TNS3: variants seen among roughly 807,000 people sequenced by gnomAD.
TNS3 encodes tensin 3, also known as tensin-3.
TNS3 carries 45 observed loss-of-function variants against 140.9 expected under a neutral mutation model. That is an observed-to-expected ratio of 0.32 (90% CI 0.25 to 0.41). TNS3 has a LOEUF of 0.41. Ranked by LOEUF, TNS3 falls within the 10% of genes least tolerant of loss-of-function variation. The probability of loss-of-function intolerance (pLI) is 1.00; values close to 1 mark genes in which losing one functional copy is unlikely to be tolerated. For missense variants in TNS3, 1,716 were observed against 1,906.7 expected (o/e 0.90, Z 1.86); for synonymous variants, 815 against 788.4 (o/e 1.03, Z -0.56).
At chr7:47,307,218 C>T (rs1240222269) in intron 20 of TNS3, among the ~76,000 whole-genome samples, 1 of 152,196 alleles carries the variant, frequency 6.6e-6, no homozygotes, top group Non-Finnish European at 1.5e-5. Flanking sequence ...CTTTAGTGTG[C>T]ATTTCCTAAA....
At chr7:47,572,441 T>A (rs1800578800) in intron 1 of TNS3, among the ~76,000 whole-genome samples, 1 of 152,206 alleles carries the variant, frequency 6.6e-6, no homozygotes, top group South Asian at 2.1e-4. Flanking sequence ...AGAGTGAGCC[T>A]TTAAAAAGTG....
chr7:47,469,699 C>A (rs1162170317), intron 4 of TNS3, among the ~76,000 whole-genome samples: 1 of 152,150 alleles, frequency 6.6e-6, no homozygotes, highest in Non-Finnish European at 1.5e-5. Context: ...ATAGGCTGGG[C>A]ACGGTGGCTC....
chr7:47,367,978 T>C (rs929290804), intron 17 of TNS3, among the ~76,000 whole-genome samples: 3 of 152,182 alleles, frequency 2.0e-5, no homozygotes, highest in Non-Finnish European at 4.4e-5. Context: ...CCCTGACCTA[T>C]ACCGCAGGGA....
In TNS3 at chr7:47,368,750, G is replaced by A. The variant is rs1160080447; in HGVS notation, c.1896C>T (p.Thr632=). 2 of 1,585,174 alleles carry A rather than the reference G, an allele frequency of 1.3e-6. No homozygotes were observed. The highest frequency in any genetic ancestry group is 1.7e-6 in the Non-Finnish European group (2 of 1,165,600). ...CCCTACTGCTGGTCCCTCGGGTGGG[G>A]GTGAGTGGCACTCTGGGCTGGGCCT... ...LVQAQPRVPL[T]PTRGTSSRVA... The change falls in exon 17 of 31, where the codon ACC becomes ACT. Residue 632 remains threonine, a synonymous_variant. Transcript: ENST00000311160.
chr7:47,282,265 G>A (rs911299151), intron 28 of TNS3, among the ~76,000 whole-genome samples: 5 of 148,940 alleles, frequency 3.4e-5, no homozygotes, highest in Non-Finnish European at 5.9e-5. Context: ...GGGACCCTGG[G>A]TGAGCCATGC....
intron 1 of TNS3, chr7:47,557,195 G>A (rs550788870): frequency 8.8e-5 from 40 of 454,076 alleles, no homozygotes; most frequent in Admixed American, 1.9e-4. Context: ...CCAACAGTGC[G>A]TCTGGGAAAG....
In TNS3 at chr7:47,503,112, C is replaced by T. The variant is rs192798661; in HGVS notation, c.-115+3795G>A. Among the ~76,000 whole-genome samples, 147 of 152,280 alleles carry T rather than the reference C, an allele frequency of 9.7e-4. 1 individual carries two copies. Among genetic ancestry groups the T allele is most frequent in the Non-Finnish European group, 1.8e-3 (122 of 68,036 alleles). ...CCCCTCACTAACTCCTGCGTATGGT[C>T]CCTACGTGGGGTCTTAAGTTTACAA... On this transcript the variant is annotated intron_variant, in intron 3 of 30. Transcript: ENST00000311160.
chr7:47,304,116 G>A (rs552775403), intron 21 of TNS3, among the ~76,000 whole-genome samples: 4 of 152,200 alleles, frequency 2.6e-5, no homozygotes, highest in Non-Finnish European at 4.4e-5. Context: ...CCTCCTCCTC[G>A]CAGCATGATC....
intron 10 of TNS3, among the ~76,000 whole-genome samples, chr7:47,422,439 C>A (rs557623789): frequency 1.3e-5 from 2 of 152,154 alleles, no homozygotes; most frequent in East Asian, 3.9e-4. Context: ...CACAGTGAGA[C>A]ACTGTCTCCA....
intron 2 of TNS3, among the ~76,000 whole-genome samples, chr7:47,524,617 A>G (rs1173615431): frequency 2.0e-5 from 3 of 149,880 alleles, no homozygotes; most frequent in East Asian, 4.0e-4. Context: ...CCTGGCTAAC[A>G]AGGTGAAACC....
At chr7:47,306,458 T>C (rs952081195) in intron 20 of TNS3, among the ~76,000 whole-genome samples, 2 of 152,254 alleles carry the variant, frequency 1.3e-5, no homozygotes, top group African/African-American at 4.8e-5. Flanking sequence ...TTCTAAAAAT[T>C]ATATGGTATC....
At chr7:47,389,975 C>G (rs2151289275) in intron 16 of TNS3, among the ~76,000 whole-genome samples, 1 of 152,336 alleles carries the variant, frequency 6.6e-6, no homozygotes, top group East Asian at 1.9e-4. Flanking sequence ...CTTAGAAAAG[C>G]CTGGTTTGGG....
At chr7:47,564,062 CA>C (rs1800372481) in intron 1 of TNS3, among the ~76,000 whole-genome samples, 1 of 151,840 alleles carries the variant, frequency 6.6e-6, no homozygotes, top group Non-Finnish European at 1.5e-5. Flanking sequence ...GGCATGGTGG[CA>C]GGCTCCTATA....
chr7:47,487,636 G>A (rs1053266340), intron 3 of TNS3, among the ~76,000 whole-genome samples: 2 of 152,156 alleles, frequency 1.3e-5, no homozygotes, highest in Non-Finnish European at 2.9e-5. Context: ...AAACTGAGTA[G>A]AGACAAACGG....
intron 3 of TNS3, among the ~76,000 whole-genome samples, chr7:47,489,147 C>G (rs1387950013): frequency 6.6e-6 from 1 of 152,102 alleles, no homozygotes; most frequent in Admixed American, 6.5e-5. Context: ...TGCTCTAATC[C>G]CCATGAGAAA....
At chr7:47,446,153 A>C (rs373624924) in intron 4 of TNS3, among the ~76,000 whole-genome samples, 1 of 152,080 alleles carries the variant, frequency 6.6e-6, no homozygotes. Flanking sequence ...TTGCTGTTGC[A>C]CAGGCTGGAG....
intron 4 of TNS3, chr7:47,453,245 C>A: frequency 1.0e-6 from 1 of 985,538 alleles, no homozygotes. Flanking sequence ...GAGGGCCAGC[C>A]TGCCAAGGGC....
chr7:47,486,216 T>C (rs979143227), intron 3 of TNS3, among the ~76,000 whole-genome samples: 15 of 152,108 alleles, frequency 9.9e-5, no homozygotes, highest in African/African-American at 2.9e-4. Flanking sequence ...TCAGTAGTTA[T>C]GTGCATGGGA....
chr7:47,524,028 C>A (rs1799087474), intron 2 of TNS3, among the ~76,000 whole-genome samples: 1 of 152,216 alleles, frequency 6.6e-6, no homozygotes, highest in Admixed American at 6.5e-5. Context: ...CGCAACTCAC[C>A]ACACCACCCC....
Sources: allele counts gnomAD v4.1 joint callset (sites outside exome capture counted in the v4.1 genomes callset), GRCh38; gene constraint gnomAD v4.1.1; transcripts MANE v1.5; gene names NCBI Gene and HGNC (gene_info 2026-07-23, HGNC 2026-07-21).